Variants in DACT2 observed in about 807,000 individuals in gnomAD.
The protein encoded by DACT2 is dishevelled binding antagonist of beta catenin 2.
DACT2 carries 20 observed loss-of-function variants against 22.2 expected under a neutral mutation model. That is an observed-to-expected ratio of 0.90 (90% confidence interval 0.63 to 1.31). The LOEUF (loss-of-function observed/expected upper bound fraction) is 1.31. Among genes scored for constraint, DACT2 ranks in the 50% most tolerant of loss-of-function variants. The probability of loss-of-function intolerance (pLI) is 0.00; values close to 1 mark genes in which losing one functional copy is unlikely to be tolerated. For synonymous variants in DACT2, 463 were observed against 479.8 expected (o/e 0.96, Z 0.46); for missense variants, 1,048 against 1,061.4 (o/e 0.99, Z 0.18).
At chr6:168,293,727 A>G (rs1778950295) in exon 6 of DACT2, 1 of 632,018 alleles carries the variant, frequency 1.6e-6, no homozygotes, top group African/African-American at 1.8e-5. Context: ...TCCTTTCTGG[A>G]CACTTCTCTG....
In DACT2 at chr6:168,308,280, T is replaced by C. The variant is rs1392746460; in HGVS notation, c.1477A>G (p.Lys493Glu). 48 of 1,552,278 alleles carry C rather than the reference T, an allele frequency of 3.1e-5. No individual in the cohort carries two copies. Among genetic ancestry groups the C allele is most frequent in the Non-Finnish European group, 4.2e-5 (48 of 1,147,118 alleles). ...FAASLKMGPPKSKAEKIKRSP... is the reference protein window; with the variant it reads ...FAASLKMGPPESKAEKIKRSP... ...CTCTTGATTTTTTCAGCCTTGCTCT[T>C]GGGGGGACCCATTTTCAGGCTGGCA... is the stretch of plus-strand genomic sequence containing the variant. The change falls in exon 4 of 4, where the codon AAG becomes GAG. Residue 493 changes from lysine to glutamate, a missense_variant. Transcript: ENST00000366795.
At chr6:168,315,791 C>T (rs935211467) in intron 1 of DACT2, among the ~76,000 whole-genome samples, 1 of 152,192 alleles carries the variant, frequency 6.6e-6, no homozygotes, top group East Asian at 1.9e-4. Context: ...GCCTTCACAC[C>T]TGAATGATGA....
chr6:168,311,884 T>G (rs1008538953), intron 1 of DACT2, among the ~76,000 whole-genome samples: 4 of 152,188 alleles, frequency 2.6e-5, no homozygotes, highest in Non-Finnish European at 5.9e-5. Flanking sequence ...TGCGTAAGGG[T>G]TTACTCTCCT....
In DACT2 at chr6:168,307,793, G is replaced by A. The variant is rs1488380710; in HGVS notation, c.1964C>T (p.Ala655Val). 1.3e-6 allele frequency: 2 copies of A among 1,543,148 alleles called. No homozygotes were observed. The highest frequency in any genetic ancestry group is 2.7e-5 in the African/African-American group (2 of 72,992). Residue 655 changes from alanine (A) to valine (V), a missense_variant, in exon 4 of 4, where the codon GCC becomes GTC. Coordinates refer to ENST00000366795, the MANE Select transcript of DACT2 (RefSeq NM_214462.5). This position sits in a 1 kb window ranked among gnomAD's most constrained non-coding sequence, Gnocchi z 5.3. The part of the protein sequence containing the change: ...RGRPSLVRQD[A>V]YTRSDSEPSK... ...GGGCTCTGAGTCGCTCCTGGTGTAG[G>A]CGTCCTGGCGGACCAGTGAGGGACG...
chr6:168,312,290 G>A (rs557949523), intron 1 of DACT2, among the ~76,000 whole-genome samples: 19 of 151,954 alleles, frequency 1.3e-4, no homozygotes, highest in Non-Finnish European at 2.5e-4. Context: ...CGACCTCCCC[G>A]GGCTCAGGTG....
intron 1 of DACT2, among the ~76,000 whole-genome samples, chr6:168,313,576 CCAAA>C (rs1242963281): frequency 1.3e-5 from 2 of 152,180 alleles, no homozygotes; most frequent in African/African-American, 2.4e-5. Context: ...AAGCCTGGAT[CCAAA>C]CAAAGGGGCT....
chr6:168,306,742 G>A (rs1029446810), downstream of DACT2, among the ~76,000 whole-genome samples: 2 of 152,000 alleles, frequency 1.3e-5, no homozygotes, highest in African/African-American at 2.4e-5. Context: ...GAGCCACCAC[G>A]CCCGGCCTAT....
At chr6:168,319,287 C>T in intron 1 of DACT2, 101 bp downstream of exon 1, 1 of 1,038,438 alleles carries the variant, frequency 9.6e-7, no homozygotes. Context: ...CCCCTCCATC[C>T]ATCAGACACC....
At chr6:168,297,612 A>G (rs2114893274) in intron 3 of DACT2, among the ~76,000 whole-genome samples, 1 of 152,346 alleles carries the variant, frequency 6.6e-6, no homozygotes, top group South Asian at 2.1e-4. Context: ...CCAGAATGGT[A>G]GGAGGATAAA....
At chr6:168,297,346 G>A (rs764464680) in intron 3 of DACT2, among the ~76,000 whole-genome samples, 6 of 152,168 alleles carry the variant, frequency 3.9e-5, no homozygotes, top group Non-Finnish European at 5.9e-5. Context: ...CCAATTGTCC[G>A]GGTGGACCCA....
At chr6:168,304,190 G>T (rs1307400388), downstream of DACT2, among the ~76,000 whole-genome samples, 2 of 152,154 alleles carry the variant, frequency 1.3e-5, no homozygotes. Context: ...GACAGGCCAC[G>T]CTCTGCCTTA....
At chr6:168,303,913 C>T (rs1484907732), downstream of DACT2, among the ~76,000 whole-genome samples, 1 of 152,094 alleles carries the variant, frequency 6.6e-6, no homozygotes, top group Non-Finnish European at 1.5e-5. Context: ...TTTAGCTTAA[C>T]TTTAATTCTT....
chr6:168,307,437 C>T lies in DACT2; in HGVS notation c.2320G>A (p.Val774Met), dbSNP rs1026219940. 11 of 1,551,574 alleles carry T rather than the reference C, an allele frequency of 7.1e-6. No homozygotes were observed. Among genetic ancestry groups the T allele is most frequent in the Non-Finnish European group, 7.8e-6 (9 of 1,147,000 alleles). The change falls in exon 4 of 4, where the codon GTG becomes ATG. Residue 774 changes from valine to methionine, a missense_variant. By Grantham distance (21) the Val-to-Met change is conservative. Coordinates refer to ENST00000366795, the MANE Select transcript of DACT2 (RefSeq NM_214462.5). The surrounding 1 kb of genome is among the most constrained non-coding windows in gnomAD (Gnocchi z 5.3). ...CTTGACGCAGTCACTGCACCTCACA[C>T]CATGGTCATGACCTTCAGGGCCGTC... ...QPTALKVMTM[V>M]
exon 5 of DACT2, chr6:168,294,172 C>A (rs749511380): frequency 1.4e-6 from 1 of 703,002 alleles, no homozygotes; most frequent in Admixed American, 2.0e-5. Flanking sequence ...AGAGGCCACA[C>A]TTTCCTCTCA....
chr6:168,304,866 G>C (rs1259331857), downstream of DACT2, among the ~76,000 whole-genome samples: 1 of 152,236 alleles, frequency 6.6e-6, no homozygotes, highest in African/African-American at 2.4e-5. Context: ...CAAGGAGCCA[G>C]GGTGCCGGGT....
chr6:168,309,090 C>T lies in DACT2; in HGVS notation c.667G>A (p.Asp223Asn). ...WPRPVSTGDL[D>N]RALPADTGLQ... ...CCCGTGTCCGCCGGCAGGGCTCTGTCAAGATCACCTGGGAGCGAGAAAAAT... is the reference window on the plus strand; with the variant it reads ...CCCGTGTCCGCCGGCAGGGCTCTGTTAAGATCACCTGGGAGCGAGAAAAAT... Residue 223 changes from aspartate to asparagine, a missense_variant, in exon 4 of 4, where the codon GAC (aspartate) becomes AAC (asparagine). Physicochemically the swap from Asp to Asn is conservative, Grantham distance 23 (BLOSUM62 1). Coordinates refer to ENST00000366795, the MANE Select transcript of DACT2 (RefSeq NM_214462.5). 6.6e-7 allele frequency: 1 copy of T among 1,524,690 alleles called. No individual in the cohort carries two copies. The highest frequency in any genetic ancestry group is 8.8e-7 in the Non-Finnish European group (1 of 1,137,882). The allele number at this position is 1,524,690 out of a possible 1,614,324, so 94.4% of individuals were successfully genotyped here.
chr6:168,297,339 A>G (rs986145141), intron 3 of DACT2, among the ~76,000 whole-genome samples: 7 of 152,202 alleles, frequency 4.6e-5, no homozygotes, highest in East Asian at 1.9e-4. Context: ...ACTATCCCCA[A>G]TTGTCCGGGT....
chr6:168,293,504 T>A, exon 6 of DACT2: 1 of 175,588 alleles, frequency 5.7e-6, no homozygotes, highest in Non-Finnish European at 1.2e-5. Flanking sequence ...CAAGAAGGAA[T>A]GCTCACTAAC....
intron 3 of DACT2, among the ~76,000 whole-genome samples, chr6:168,296,980 A>C (rs1441375243): frequency 6.6e-6 from 1 of 152,230 alleles, no homozygotes; most frequent in African/African-American, 2.4e-5. Context: ...ATGGGGGAAA[A>C]GGGTATGTAG....
Sources: allele counts gnomAD v4.1 joint callset (sites outside exome capture counted in the v4.1 genomes callset), GRCh38; gene constraint gnomAD v4.1.1; non-coding constraint Gnocchi (gnomAD v3.1); transcripts MANE v1.5; gene names NCBI Gene and HGNC (gene_info 2026-07-23, HGNC 2026-07-21).